The following TCF24 variants were observed in gnomAD, a reference collection of about 807,000 sequenced individuals.
The protein encoded by TCF24 is transcription factor 24.
In TCF24, 5 loss-of-function variants were observed where a neutral mutation model predicts 9.3. That is an observed-to-expected ratio of 0.54 (90% CI 0.28 to 1.13). The LOEUF (loss-of-function observed/expected upper bound fraction) is 1.13. TCF24 is among the 50% of genes most tolerant of loss of function. The probability of loss-of-function intolerance (pLI) is 0.09; values close to 1 mark genes in which losing one functional copy is unlikely to be tolerated. For synonymous variants in TCF24, 110 were observed against 115.8 expected (o/e 0.95, Z 0.32); for missense variants, 220 against 236.1 (o/e 0.93, Z 0.45).
chr8:66,961,059 A>C, intron 3 of TCF24, among the ~76,000 whole-genome samples: 1 of 152,336 alleles, frequency 6.6e-6, no homozygotes, highest in Non-Finnish European at 1.5e-5. Flanking sequence ...CATTATCAGG[A>C]TGTGCAACCA....
chr8:66,947,362 T>G lies in TCF24; in HGVS notation c.*689A>C, dbSNP rs936339595. On this transcript the variant is annotated 3_prime_UTR_variant, in exon 4 of 4. Transcript: ENST00000563496. Reference sequence around the variant, plus strand: ...CCAGGTGTGGTGACATGCACCTACATTGTGAACTCTGCTGTCCGCTGACAC... The same window carrying G: ...CCAGGTGTGGTGACATGCACCTACAGTGTGAACTCTGCTGTCCGCTGACAC... 4 of 152,168 alleles carry G rather than the reference T, an allele frequency of 2.6e-5. No individual in the cohort carries two copies. The highest frequency in any genetic ancestry group is 9.7e-5 in the African/African-American group (4 of 41,416). The allele number at this position is 152,168 out of a possible 1,614,324, so 9.4% of individuals were successfully genotyped here. A position where few individuals can be genotyped will look rare whatever the true frequency, so the allele number is the denominator to read the frequency against.
chr8:66,956,104 CTTGT>C (rs373546164), intron 3 of TCF24, among the ~76,000 whole-genome samples: 3,769 of 151,634 alleles, frequency 0.025, 165 homozygotes, highest in African/African-American at 0.084. Flanking sequence ...TAATTAAAAA[CTTGT>C]TTGTTTGTTT....
chr8:66,953,384 G>T (rs1305451448), intron 3 of TCF24, among the ~76,000 whole-genome samples: 2 of 151,020 alleles, frequency 1.3e-5, no homozygotes, highest in Admixed American at 1.3e-4. Context: ...TGAAATTCTG[G>T]GTTGAAAATT....
At chr8:66,955,392 A>T (rs536592986) in intron 3 of TCF24, among the ~76,000 whole-genome samples, 71 of 152,284 alleles carry the variant, frequency 4.7e-4, no homozygotes, top group Non-Finnish European at 1.8e-4. Context: ...AAAAAAAAAA[A>T]AAATACAACT....
chr8:66,956,947 G>T (rs1814164458), intron 3 of TCF24, among the ~76,000 whole-genome samples: 1 of 151,670 alleles, frequency 6.6e-6, no homozygotes, highest in Admixed American at 6.6e-5. Context: ...GCTCATGCCT[G>T]TAAGCCCAGC....
chr8:66,958,421 T>A (rs987098014), intron 3 of TCF24, among the ~76,000 whole-genome samples: 3 of 152,166 alleles, frequency 2.0e-5, no homozygotes, highest in African/African-American at 7.2e-5. Context: ...ATCCCAGCTC[T>A]TGGGAGGCTG....
At chr8:66,954,669 A>C (rs1184332669) in intron 3 of TCF24, among the ~76,000 whole-genome samples, 1 of 152,216 alleles carries the variant, frequency 6.6e-6, no homozygotes, top group African/African-American at 2.4e-5. Flanking sequence ...AAGCCTGGGC[A>C]ATGGCGGGCG....
rs975313931 is a variant in TCF24, at chr8:66,962,568, C to T, written c.-374G>A. 1 of 152,288 alleles carries T rather than the reference C, an allele frequency of 6.6e-6. No homozygotes were observed. Among genetic ancestry groups the T allele is most frequent in the Non-Finnish European group, 1.5e-5 (1 of 68,106 alleles). 9.4% of individuals were successfully genotyped at this position (152,288 alleles called of 1,614,324 possible). On this transcript the variant is annotated 5_prime_UTR_variant, in exon 1 of 4. Coordinates refer to ENST00000563496, the MANE Select transcript of TCF24 (RefSeq NM_001193502.2). The stretch of plus-strand genomic sequence containing the variant: ...CGGAGGACCTGGCCCACCGGAGAGG[C>T]TACGCCGGGGGCTGAGGCGGCTTAG...
At chr8:66,954,676 G>A (rs1450105842) in intron 3 of TCF24, among the ~76,000 whole-genome samples, 1 of 152,248 alleles carries the variant, frequency 6.6e-6, no homozygotes, top group African/African-American at 2.4e-5. Context: ...GGCAATGGCG[G>A]GCGCCCCTCC....
chr8:66,953,965 C>G (rs1814105236), intron 3 of TCF24, among the ~76,000 whole-genome samples: 2 of 151,462 alleles, frequency 1.3e-5, no homozygotes, highest in Admixed American at 6.6e-5. Context: ...TTAAGCACTT[C>G]TCTGTATTGG....
At position 66,947,972 on chromosome 8, in the gene TCF24, CATATAATAA is replaced by C. The variant is rs1449503377; in HGVS notation, c.*70_*78del. On this transcript the variant is annotated 3_prime_UTR_variant, in exon 4 of 4. Transcript: ENST00000563496. ...AACTTTCAGAAATTTTGTTATGTCT[CATATAATAA>C]ATATAGAATTATGTCATAGTATTTA... The C allele has an allele frequency of 3.7e-6, 4 of 1,067,564 alleles. No homozygotes were observed. Among genetic ancestry groups the C allele is most frequent in the Non-Finnish European group, 5.2e-6 (4 of 771,566 alleles). The allele number at this position is 1,067,564 out of a possible 1,614,324, so 66.1% of individuals were successfully genotyped here. A position where few individuals can be genotyped will look rare whatever the true frequency, so the allele number is the denominator to read the frequency against.
intron 3 of TCF24, among the ~76,000 whole-genome samples, chr8:66,960,636 A>C (rs181779967): frequency 1.8e-3 from 275 of 152,336 alleles, no homozygotes; most frequent in African/African-American, 6.2e-3. Flanking sequence ...TGTTAAGTGA[A>C]AACTGTGACC....
At chr8:66,954,337 G>A (rs1399766930) in intron 3 of TCF24, among the ~76,000 whole-genome samples, 1 of 151,418 alleles carries the variant, frequency 6.6e-6, no homozygotes, top group Non-Finnish European at 1.5e-5. Context: ...CTGCAGGTCT[G>A]TTGGAATACC....
Position 66,961,412 on chromosome 8 carries a change from G to A in TCF24, c.354C>T (p.Gly118=), listed in dbSNP as rs957408660. ...DAEAPADAGL[G]ALRGDGYLHP... is the part of the protein sequence containing the mutation. The stretch of plus-strand genomic sequence containing the variant: ...GCAGGTAGCCATCGCCGCGCAGGGC[G>A]CCCAACCCGGCGTCCGCCGGCGCCT... The change falls in exon 3 of 4, where the codon GGC becomes GGT. Residue 118 remains glycine (G), a synonymous_variant. Transcript: ENST00000563496. The A allele has an allele frequency of 2.6e-6, 4 of 1,515,882 alleles. No homozygotes were observed. Among genetic ancestry groups the A allele is most frequent in the African/African-American group, 2.8e-5 (2 of 70,456 alleles). 93.9% of individuals were successfully genotyped at this position (1,515,882 alleles called of 1,614,324 possible). A position where few individuals can be genotyped will look rare whatever the true frequency, so the allele number is the denominator to read the frequency against.
intron 3 of TCF24, chr8:66,954,865 G>C (rs1004590316): frequency 6.5e-6 from 1 of 152,720 alleles, no homozygotes; most frequent in African/African-American, 2.4e-5. Context: ...TTCCAGGTGC[G>C]TCCGTCATCC....
intron 3 of TCF24, 55 bp downstream of exon 3, chr8:66,961,321 A>G: frequency 1.4e-6 from 2 of 1,386,222 alleles, no homozygotes; most frequent in Non-Finnish European, 1.9e-6. Context: ...CTGGCAGGGC[A>G]GATCAAGGTG....
chr8:66,949,268 C>T (rs1237210329), intron 3 of TCF24, among the ~76,000 whole-genome samples: 1 of 151,878 alleles, frequency 6.6e-6, no homozygotes, highest in Non-Finnish European at 1.5e-5. Context: ...TCCCACCCCA[C>T]CACAGTCCCC....
At chr8:66,959,710 A>AT (rs1814223517) in intron 3 of TCF24, among the ~76,000 whole-genome samples, 1 of 152,246 alleles carries the variant, frequency 6.6e-6, no homozygotes. Context: ...TGATTTTAAA[A>AT]CATGCTTGAT....
chr8:66,957,007 A>G (rs1035580283), intron 3 of TCF24, among the ~76,000 whole-genome samples: 10 of 150,162 alleles, frequency 6.7e-5, no homozygotes, highest in Non-Finnish European at 8.9e-5. Flanking sequence ...GATCAAAACC[A>G]TCCTGGGCAA....
Sources: gnomAD v4.1 joint callset for allele counts (sites outside exome capture counted in the v4.1 genomes callset) on GRCh38, gnomAD v4.1.1 for gene constraint, MANE v1.5 for transcripts, NCBI Gene and HGNC (gene_info 2026-07-23, HGNC 2026-07-21) for gene names.